The following ANKFN1 variants were observed in gnomAD, a reference collection of about 807,000 sequenced individuals.
The protein encoded by ANKFN1 is ankyrin repeat and fibronectin type-III domain-containing protein 1.
Under a neutral mutation model 108.7 loss-of-function variants are expected in ANKFN1, and 74 were observed. That is an observed-to-expected ratio of 0.68 (90% CI 0.56 to 0.83). The LOEUF is 0.83. Ranked by LOEUF, ANKFN1 falls within the 40% of genes least tolerant of loss-of-function variation. The pLI, the probability that ANKFN1 is intolerant of heterozygous loss-of-function variation, is 0.00. For synonymous variants in ANKFN1, 547 were observed against 516.2 expected (o/e 1.06, Z -0.81); for missense variants, 1,505 against 1,382.3 (o/e 1.09, Z -1.41).
chr17:56,230,979 G>A (rs902571574), intron 3 of ANKFN1, among the ~76,000 whole-genome samples: 4 of 152,108 alleles, frequency 2.6e-5, no homozygotes, highest in African/African-American at 4.8e-5. Context: ...AGAAAAGAAC[G>A]CTAGAGACTA....
chr17:56,260,640 T>C (rs1567869815), intron 3 of ANKFN1, among the ~76,000 whole-genome samples: 1 of 152,140 alleles, frequency 6.6e-6, no homozygotes, highest in African/African-American at 2.4e-5. Context: ...AAAAAAGTAC[T>C]CGGTAAAGTA....
At position 56,511,394 on chromosome 17, in the gene ANKFN1, G is replaced by A; in HGVS notation, c.*125G>A. ...GCGTTTTGAATGTTATAAATACAAA[G>A]GTTACAAGTTCAAGGTCCTCTTTTT... is the stretch of plus-strand genomic sequence containing the variant. On this transcript the variant is annotated 3_prime_UTR_variant, in exon 21 of 21. Coordinates refer to ENST00000682825, the MANE Select transcript of ANKFN1 (RefSeq NM_001370326.1). The A allele has an allele frequency of 2.7e-6, 3 of 1,108,314 alleles. No homozygotes were observed. The highest frequency in any genetic ancestry group is 3.7e-6 in the Non-Finnish European group (3 of 803,618). 68.7% of individuals were successfully genotyped at this position (1,108,314 alleles called of 1,614,324 possible). A position where few individuals can be genotyped will look rare whatever the true frequency, so the allele number is the denominator to read the frequency against.
Position 56,283,613 on chromosome 17 carries a change from T to C in ANKFN1, c.54-42608T>C, listed in dbSNP as rs189232918. 3.8e-3 allele frequency among the ~76,000 whole-genome samples: 571 copies of C among 151,864 alleles called. 2 individuals carry two copies. The highest frequency in any genetic ancestry group is 0.013 in the African/African-American group (546 of 41,168). On this transcript the variant is annotated intron_variant, in intron 3 of 20. Coordinates refer to ENST00000682825, the MANE Select transcript of ANKFN1 (RefSeq NM_001370326.1). ...GCAACCTGGATAGAACTGGAGAATA[T>C]TATTCTGAGTGAAGTAGCTCAGGAA...
chr17:56,186,298 G>A (rs1912198728), intron 1 of ANKFN1, among the ~76,000 whole-genome samples: 1 of 152,172 alleles, frequency 6.6e-6, no homozygotes, highest in East Asian at 1.9e-4. Flanking sequence ...GCCTTCTTGA[G>A]CATATAAAAA....
At chr17:56,087,325 G>A (rs1438990577) in intron 4 of ANKFN1, among the ~76,000 whole-genome samples, 1 of 151,362 alleles carries the variant, frequency 6.6e-6, no homozygotes, top group African/African-American at 2.4e-5. Flanking sequence ...ACTCTTAGAA[G>A]GGAAGTGACT....
At chr17:56,184,073 A>C (rs1006773045) in intron 1 of ANKFN1, among the ~76,000 whole-genome samples, 2 of 152,216 alleles carry the variant, frequency 1.3e-5, no homozygotes, top group Admixed American at 1.3e-4. Flanking sequence ...AAAATTACAA[A>C]AACTTACTTG....
intron 18 of ANKFN1, among the ~76,000 whole-genome samples, chr17:56,483,638 G>A (rs1369619354): frequency 6.6e-6 from 1 of 152,090 alleles, no homozygotes; most frequent in Admixed American, 6.5e-5. Flanking sequence ...ATTCCCTATT[G>A]TGTGACACTG....
intron 4 of ANKFN1, among the ~76,000 whole-genome samples, chr17:56,072,198 TTG>T (rs1905128387): frequency 6.6e-6 from 1 of 152,208 alleles, no homozygotes; most frequent in Non-Finnish European, 1.5e-5. Flanking sequence ...TATTAATCAC[TTG>T]TGTTTTCACT....
rs949072900 is a variant in ANKFN1 at position 56,090,205 on chromosome 17, G to C, written c.288+43880G>C. Among the ~76,000 whole-genome samples the C allele has an allele frequency of 7.3e-5, 11 of 151,356 alleles. 1 individual carries two copies. Among genetic ancestry groups the C allele is most frequent in the African/African-American group, 2.7e-4 (11 of 41,322 alleles). ...GGAGTGAAATGGGGCGCTGTATAGT[G>C]TATGAGCCAGAATGTGAGCACTGAG... On this transcript the variant is annotated intron_variant, in intron 4 of 12. Coordinates refer to the ANKFN1 transcript ENST00000635860.
At chr17:56,055,589 G>GATATATATATATA (rs1904861054) in intron 4 of ANKFN1, among the ~76,000 whole-genome samples, 1 of 88,296 alleles carries the variant, frequency 1.1e-5, no homozygotes, top group Non-Finnish European at 2.0e-5. Context: ...ATATATATAT[G>GATATATATATATA]TATATATACA....
chr17:56,189,753 G>C (rs1443368468), intron 1 of ANKFN1, among the ~76,000 whole-genome samples: 4 of 152,126 alleles, frequency 2.6e-5, no homozygotes. Flanking sequence ...ACATCTTTGA[G>C]GGGGCTATGA....
intron 5 of ANKFN1, among the ~76,000 whole-genome samples, chr17:56,352,879 G>A (rs2046281078): frequency 6.6e-6 from 1 of 152,174 alleles, no homozygotes; most frequent in Non-Finnish European, 1.5e-5. Flanking sequence ...AGAGCTGGGG[G>A]AGACCAAGAC....
chr17:56,333,669 G>T (rs2045727362), intron 4 of ANKFN1, among the ~76,000 whole-genome samples: 1 of 151,756 alleles, frequency 6.6e-6, no homozygotes, highest in African/African-American at 2.4e-5. Flanking sequence ...CCTGGTTTTA[G>T]TATCAAGGCA....
intron 4 of ANKFN1, among the ~76,000 whole-genome samples, chr17:56,055,600 C>CACACATATATATATATACACATATAT (rs1567778636): frequency 3.0e-5 from 1 of 33,620 alleles, no homozygotes; most frequent in African/African-American, 1.3e-4. Context: ...TATATATACA[C>CACACATATATATATATACACATATAT]ATTTTTTTAT....
chr17:56,217,868 T>C lies in ANKFN1; in HGVS notation c.12+5189T>C, dbSNP rs1342119075. 3.9e-5 allele frequency among the ~76,000 whole-genome samples: 6 copies of C among 152,294 alleles called. No individual in the cohort carries two copies. In the East Asian group the frequency reaches 5.8e-4, roughly 15 times the overall value. On this transcript the variant is annotated intron_variant, in intron 2 of 20. Transcript: ENST00000682825. ...GATGTCTGTGTTCCCTGAAGAATAA[T>C]TAGTGACTTCTAGATTTCTAGCACT... is the stretch of plus-strand genomic sequence containing the variant.
At chr17:56,212,940 A>G (rs1253817398) in intron 2 of ANKFN1, among the ~76,000 whole-genome samples, 1 of 152,216 alleles carries the variant, frequency 6.6e-6, no homozygotes, top group East Asian at 1.9e-4. Context: ...TAAGACTGGC[A>G]TTGCCCATTC....
chr17:56,505,240 A>G (rs960586819), intron 20 of ANKFN1, among the ~76,000 whole-genome samples: 2 of 152,240 alleles, frequency 1.3e-5, no homozygotes, highest in Non-Finnish European at 2.9e-5. Context: ...AGATCCTTTC[A>G]GGATGCGTTG....
chr17:56,143,663 G>A (rs758768834), intron 4 of ANKFN1, among the ~76,000 whole-genome samples: 25 of 152,196 alleles, frequency 1.6e-4, no homozygotes, highest in Non-Finnish European at 2.6e-4. Flanking sequence ...TAAGTCAAGG[G>A]TCTTTGGATG....
At chr17:56,245,212 A>T (rs143525876) in intron 3 of ANKFN1, among the ~76,000 whole-genome samples, 23 of 152,294 alleles carry the variant, frequency 1.5e-4, no homozygotes, top group Non-Finnish European at 3.1e-4. Context: ...TTTACCAGGC[A>T]CAGGAATCAG....
Sources: allele counts gnomAD v4.1 joint callset (sites outside exome capture counted in the v4.1 genomes callset), GRCh38; gene constraint gnomAD v4.1.1; transcripts MANE v1.5; gene names NCBI Gene and HGNC (gene_info 2026-07-23, HGNC 2026-07-21).